SYT9: variants seen among roughly 807,000 people sequenced by gnomAD.
SYT9 encodes the protein synaptotagmin-9.
SYT9 carries 22 observed loss-of-function variants against 48.4 expected under a neutral mutation model. The observed-to-expected ratio is 0.45, with a 90% CI of 0.32 to 0.65. SYT9 has a LOEUF of 0.65. SYT9 is among the 30% of genes least tolerant of loss of function. The pLI is 0.03. For missense variants in SYT9, 577 were observed against 622.0 expected (o/e 0.93, Z 0.77); for synonymous variants, 265 against 245.0 (o/e 1.08, Z -0.76).
chr11:7,243,404 G>A (rs1230844447), intron 1 of SYT9, among the ~76,000 whole-genome samples: 3 of 152,182 alleles, frequency 2.0e-5, no homozygotes, highest in South Asian at 2.1e-4. Flanking sequence ...TGAGACAAAC[G>A]TATGGTTTTT....
intron 3 of SYT9, among the ~76,000 whole-genome samples, chr11:7,322,882 T>C (rs1368068264): frequency 6.6e-6 from 1 of 152,152 alleles, no homozygotes; most frequent in Non-Finnish European, 1.5e-5. Context: ...ATTTTACCAC[T>C]TAAGAATAGG....
chr11:7,290,290 A>G (rs1316582139), intron 1 of SYT9, among the ~76,000 whole-genome samples: 1 of 152,216 alleles, frequency 6.6e-6, no homozygotes, highest in African/African-American at 2.4e-5. Flanking sequence ...ATTTGGAACT[A>G]TCATCAGGCA....
intron 6 of SYT9, among the ~76,000 whole-genome samples, chr11:7,432,578 AAAAAATATATATACATAT>A (rs1847615718): frequency 3.7e-3 from 33 of 9,038 alleles, no homozygotes; most frequent in African/African-American, 7.4e-3. Flanking sequence ...AAAAAAAAAA[AAAAAATATATATACATAT>A]ATATATATAT....
intron 3 of SYT9, among the ~76,000 whole-genome samples, chr11:7,363,045 G>C (rs999988278): frequency 2.2e-4 from 15 of 67,284 alleles, no homozygotes; most frequent in African/African-American, 5.8e-4. Flanking sequence ...CCTTTCTTTT[G>C]CTCTTCTCAA....
intron 3 of SYT9, among the ~76,000 whole-genome samples, chr11:7,334,403 G>C (rs773817491): frequency 1.3e-5 from 2 of 152,134 alleles, no homozygotes; most frequent in African/African-American, 4.8e-5. Flanking sequence ...AAGGCCACTC[G>C]CGTGTGGTTA....
chr11:7,431,698 A>G (rs141160397), intron 6 of SYT9, among the ~76,000 whole-genome samples: 269 of 152,346 alleles, frequency 1.8e-3, no homozygotes, highest in African/African-American at 6.3e-3. Context: ...ACTGCTCCCC[A>G]CATCCCTACT....
At chr11:7,268,473 T>G (rs1564841761) in intron 1 of SYT9, among the ~76,000 whole-genome samples, 1 of 151,962 alleles carries the variant, frequency 6.6e-6, no homozygotes, top group East Asian at 1.9e-4. Flanking sequence ...CCAATCTCAG[T>G]TAAGCATATA....
intron 1 of SYT9, among the ~76,000 whole-genome samples, chr11:7,288,182 G>A (rs932232979): frequency 6.6e-6 from 1 of 152,076 alleles, no homozygotes; most frequent in South Asian, 2.1e-4. Context: ...GACTCTTGAG[G>A]TGGAGGGGCA....
intron 1 of SYT9, among the ~76,000 whole-genome samples, chr11:7,240,815 A>T (rs767962807): frequency 3.3e-5 from 5 of 152,190 alleles, no homozygotes; most frequent in African/African-American, 1.2e-4. Flanking sequence ...AAACCCTCCA[A>T]GTCAGGCAGC....
At chr11:7,239,869 G>A (rs746974929) in intron 1 of SYT9, among the ~76,000 whole-genome samples, 4 of 152,202 alleles carry the variant, frequency 2.6e-5, no homozygotes, top group Non-Finnish European at 4.4e-5. Flanking sequence ...GTAGAAACAG[G>A]TTGAGATGAA....
chr11:7,304,487 A>C (rs1848998573), intron 2 of SYT9, among the ~76,000 whole-genome samples: 1 of 152,228 alleles, frequency 6.6e-6, no homozygotes, highest in African/African-American at 2.4e-5. Flanking sequence ...GTATTTTTTA[A>C]AAATATTTGC....
Position 7,468,076 on chromosome 11 carries a change from A to G in SYT9, c.*1276A>G. The G allele has an allele frequency of 2.6e-6, 1 of 390,364 alleles. No individual in the cohort carries two copies. The highest frequency in any genetic ancestry group is 3.6e-5 in the East Asian group (1 of 27,420). The allele number at this position is 390,364 out of a possible 1,614,324, so 24.2% of individuals were successfully genotyped here. On this transcript the variant is annotated 3_prime_UTR_variant, in exon 7 of 7. Transcript: ENST00000318881. ...GTTACCTAATGGTCCTCTCTGTCCC[A>G]TTATAGGTGCAAGGCACCCCATCCA...
intron 3 of SYT9, among the ~76,000 whole-genome samples, chr11:7,376,228 T>A (rs1369344960): frequency 6.6e-6 from 1 of 151,922 alleles, no homozygotes; most frequent in South Asian, 2.1e-4. Context: ...GAATGAAAAA[T>A]TTTAAAGTGA....
intron 3 of SYT9, among the ~76,000 whole-genome samples, chr11:7,341,605 A>C (rs909792228): frequency 6.6e-6 from 1 of 152,150 alleles, no homozygotes; most frequent in African/African-American, 2.4e-5. Context: ...CTTTTTCTTT[A>C]TAAATTACCC....
chr11:7,354,975 A>G (rs1589967528), intron 3 of SYT9, among the ~76,000 whole-genome samples: 1 of 152,100 alleles, frequency 6.6e-6, no homozygotes, highest in East Asian at 1.9e-4. Flanking sequence ...GAATTTACCT[A>G]TGAAGTTGTT....
At chr11:7,256,180 A>G (rs1847965831) in intron 1 of SYT9, among the ~76,000 whole-genome samples, 1 of 152,072 alleles carries the variant, frequency 6.6e-6, no homozygotes, top group Non-Finnish European at 1.5e-5. Context: ...TGTTTTTATC[A>G]TTTTCTTTTT....
intron 3 of SYT9, among the ~76,000 whole-genome samples, chr11:7,393,712 C>G (rs1213445301): frequency 3.3e-5 from 5 of 152,122 alleles, no homozygotes; most frequent in African/African-American, 9.7e-5. Context: ...GTGAATCCAT[C>G]TTGTCCAGAG....
chr11:7,252,346 C>G lies in SYT9; in HGVS notation c.145+15C>G. ...CCGCGACCCAGGTGAGTGCCGCCAC[C>G]GCCGCCTGGAGGGACCTAAGGGCCC... On this transcript the variant is annotated intron_variant, in intron 1 of 6. Transcript: ENST00000318881. The surrounding 1 kb of genome is among the most constrained non-coding windows in gnomAD (Gnocchi z 6.3). 1 of 1,453,700 alleles carries G rather than the reference C, an allele frequency of 6.9e-7. No homozygotes were observed. The highest frequency in any genetic ancestry group is 9.1e-7 in the Non-Finnish European group (1 of 1,102,278). The allele number at this position is 1,453,700 out of a possible 1,614,324, so 90.1% of individuals were successfully genotyped here. A position where few individuals can be genotyped will look rare whatever the true frequency, so the allele number is the denominator to read the frequency against.
intron 1 of SYT9, among the ~76,000 whole-genome samples, chr11:7,256,429 C>T (rs1847972001): frequency 6.6e-6 from 1 of 152,060 alleles, no homozygotes; most frequent in African/African-American, 2.4e-5. Context: ...AGAACCATGG[C>T]TAAAAGTGAT....
Sources: allele counts gnomAD v4.1 joint callset (sites outside exome capture counted in the v4.1 genomes callset), GRCh38; gene constraint gnomAD v4.1.1; non-coding constraint Gnocchi (gnomAD v3.1); transcripts MANE v1.5; gene names NCBI Gene and HGNC (gene_info 2026-07-23, HGNC 2026-07-21).